USP48: variants seen among roughly 807,000 people sequenced by gnomAD.
USP48 encodes the protein ubiquitin specific peptidase 48.
In USP48, 43 loss-of-function variants were observed where a neutral mutation model predicts 150.7. The ratio of observed to expected loss-of-function variants is 0.29; its 90% confidence interval spans 0.22 to 0.37. The LOEUF (loss-of-function observed/expected upper bound fraction) is 0.37. USP48 is among the 10% of genes least tolerant of loss of function. The pLI is 1.00. For synonymous variants in USP48, 396 were observed against 425.9 expected, an observed-to-expected ratio of 0.93 and a Z score of 0.86; for missense variants, 813 against 1,249.6, an observed-to-expected ratio of 0.65 and a Z score of 5.27.
intron 1 of USP48, among the ~76,000 whole-genome samples, chr1:21,760,968 C>T (rs2097848550): frequency 6.6e-6 from 1 of 152,060 alleles, no homozygotes; most frequent in Non-Finnish European, 1.5e-5. Context: ...TGGCGCATGC[C>T]TGTTAATCCC....
At chr1:21,714,787 A>C (rs1210061762) in intron 15 of USP48, among the ~76,000 whole-genome samples, 2 of 152,250 alleles carry the variant, frequency 1.3e-5, no homozygotes, top group East Asian at 3.8e-4. Context: ...AAGGATTTAG[A>C]ATTTAGCTTT....
chr1:21,738,720 T>C (rs1048362709), intron 8 of USP48, among the ~76,000 whole-genome samples: 1 of 152,078 alleles, frequency 6.6e-6, no homozygotes, highest in African/African-American at 2.4e-5. Flanking sequence ...GACTATTTCA[T>C]TGCTATAATT....
rs2097801928 is a variant in USP48 at position 21,748,878 on chromosome 1, T to C, written c.775-607A>G. Among the ~76,000 whole-genome samples, 3 of 151,856 alleles carry C rather than the reference T, an allele frequency of 2.0e-5. No individual in the cohort carries two copies. In the South Asian group the frequency reaches 6.2e-4, roughly 31 times the overall value. On this transcript the variant is annotated intron_variant, in intron 6 of 26. Transcript: ENST00000308271. ...GTAAGCTGAGATCACACCTCTGCAC[T>C]CCAGCCTGGAAACAAAGCGAGACTC... is the stretch of plus-strand genomic sequence containing the variant.
Position 21,704,294 on chromosome 1 carries a change from T to C in USP48, c.2483A>G (p.Asn828Ser). The change falls in exon 20 of 27, where the codon AAC becomes AGC. Residue 828 changes from asparagine to serine, a missense_variant. Physicochemically the swap from Asn to Ser is conservative, Grantham distance 46. Coordinates refer to ENST00000308271, the MANE Select transcript of USP48 (RefSeq NM_032236.8). ...KITRIEVGDV[N>S]PSETQYISEP... ...AGAAATATACTGTGTTTCTGAAGGG[T>C]TTACATCTCCCACTTCAATTCTCGT... The C allele has an allele frequency of 6.2e-7, 1 of 1,613,696 alleles. No individual in the cohort carries two copies. The highest frequency in any genetic ancestry group is 8.5e-7 in the Non-Finnish European group (1 of 1,179,876).
At position 21,736,468 on chromosome 1, in the gene USP48, T is replaced by C; in HGVS notation, c.1149A>G (p.Gln383=). ...DIEKMEGKKL[Q]LGIEEDLAEP... is the part of the protein sequence containing the mutation. Reference sequence around the variant, plus strand: ...TACCTAGATCTTCCTCAATCCCTAGTTGTAATTTCTTCCCCTCCATCTTTT... The same window carrying C: ...TACCTAGATCTTCCTCAATCCCTAGCTGTAATTTCTTCCCCTCCATCTTTT... Residue 383 remains glutamine (Q), a synonymous_variant, in exon 9 of 27, where the codon CAA becomes CAG. Coordinates refer to ENST00000308271, the MANE Select transcript of USP48 (RefSeq NM_032236.8). The C allele has an allele frequency of 6.2e-7, 1 of 1,611,640 alleles. No individual in the cohort carries two copies. The highest frequency in any genetic ancestry group is 1.1e-5 in the South Asian group (1 of 90,528).
intron 1 of USP48, among the ~76,000 whole-genome samples, chr1:21,765,758 C>T (rs1484480343): frequency 5.3e-5 from 8 of 151,822 alleles, no homozygotes; most frequent in African/African-American, 1.9e-4. Flanking sequence ...TGGTGGCTCA[C>T]ACCCGTAATC....
At chr1:21,770,481 C>CTTT (rs548583450) in intron 1 of USP48, among the ~76,000 whole-genome samples, 3,773 of 115,752 alleles carry the variant, frequency 0.033, 229 homozygotes, top group African/African-American at 0.11. Flanking sequence ...AATCAAGTGT[C>CTTT]TTTTTTTTTT....
intron 8 of USP48, among the ~76,000 whole-genome samples, chr1:21,742,183 C>T (rs1359153391): frequency 6.6e-6 from 1 of 152,048 alleles, no homozygotes; most frequent in Non-Finnish European, 1.5e-5. Context: ...CTGCACTCTC[C>T]CCGTTACTTC....
At position 21,680,954 on chromosome 1, in the gene USP48, T is replaced by C. The variant is rs2097564148; in HGVS notation, c.3059-120A>G. The C allele has an allele frequency of 1.1e-5, 8 of 709,646 alleles. No individual in the cohort carries two copies. The Middle Eastern group carries it at 1.1e-3, about 98-fold the overall frequency. The allele number at this position is 709,646 out of a possible 1,614,324, so 44.0% of individuals were successfully genotyped here. On this transcript the variant is annotated intron_variant, in intron 25 of 26. Transcript: ENST00000308271. ...AACTTTTGATTACCTTTGTCACCTG[T>C]AATAATCATCTTTGAAGTTACGGAT...
chr1:21,679,562 A>G (rs1310317735), intron 26 of USP48, 123 bp from the exon 27 acceptor site: 1 of 1,224,372 alleles, frequency 8.2e-7, no homozygotes, highest in East Asian at 2.4e-5. Flanking sequence ...ACACAGTCGC[A>G]CCTTGGTGTG....
intron 25 of USP48, among the ~76,000 whole-genome samples, chr1:21,682,058 C>T (rs759813382): frequency 6.6e-6 from 1 of 152,188 alleles, no homozygotes; most frequent in African/African-American, 2.4e-5. Context: ...CTGCTATTTA[C>T]TGGGTCCACT....
At chr1:21,721,416 T>C (rs1237506855) in intron 13 of USP48, among the ~76,000 whole-genome samples, 4 of 152,170 alleles carry the variant, frequency 2.6e-5, no homozygotes, top group Non-Finnish European at 4.4e-5. Context: ...ATCACACCAA[T>C]CAAATGGTAG....
chr1:21,763,232 C>T (rs2152622424), intron 1 of USP48, among the ~76,000 whole-genome samples: 1 of 152,314 alleles, frequency 6.6e-6, no homozygotes, highest in South Asian at 2.1e-4. Context: ...TAATTGCTTG[C>T]TAGGTATCAC....
At chr1:21,731,142 A>G (rs1056511471) in intron 9 of USP48, among the ~76,000 whole-genome samples, 2 of 152,220 alleles carry the variant, frequency 1.3e-5, no homozygotes, top group African/African-American at 2.4e-5. Context: ...TATAAAATGT[A>G]TATGTACAGT....
At chr1:21,782,677 G>T in intron 1 of USP48, 147 bp downstream of exon 1, 1 of 1,279,330 alleles carries the variant, frequency 7.8e-7, no homozygotes, top group South Asian at 1.7e-5. Flanking sequence ...AGGTCGCGCA[G>T]ACGGCGCAAA....
chr1:21,755,354 A>T (rs1005582166), intron 3 of USP48, among the ~76,000 whole-genome samples: 1 of 152,102 alleles, frequency 6.6e-6, no homozygotes, highest in Non-Finnish European at 1.5e-5. Context: ...TGAACCCAGG[A>T]GTTTGAGACC....
At chr1:21,776,823 T>G (rs540441744) in intron 1 of USP48, among the ~76,000 whole-genome samples, 18 of 151,948 alleles carry the variant, frequency 1.2e-4, no homozygotes, top group Admixed American at 9.9e-4. Context: ...GCGTGGTGCC[T>G]GCAATGCCAG....
At position 21,703,638 on chromosome 1, in the gene USP48, AGGG is replaced by A; in HGVS notation, c.2516-23_2516-21del. 1 of 1,489,518 alleles carries A rather than the reference AGGG, an allele frequency of 6.7e-7. No individual in the cohort carries two copies. 92.3% of individuals were successfully genotyped at this position (1,489,518 alleles called of 1,614,324 possible). A position where few individuals can be genotyped will look rare whatever the true frequency, so the allele number is the denominator to read the frequency against. On this transcript the variant is annotated intron_variant, in intron 20 of 26. Coordinates refer to ENST00000308271, the MANE Select transcript of USP48 (RefSeq NM_032236.8). ...AGAGTTCTTTGGGGGAAAAAAAAAA[AGGG>A]AAAACAGAAGTGGCTGAGGAATCAT...
chr1:21,767,075 A>AAAC (rs1160202766), intron 1 of USP48, among the ~76,000 whole-genome samples: 1 of 152,150 alleles, frequency 6.6e-6, no homozygotes, highest in South Asian at 2.1e-4. Flanking sequence ...AAAAAACAAA[A>AAAC]AACAAGAACA....
Sources: gnomAD v4.1 joint callset for allele counts (sites outside exome capture counted in the v4.1 genomes callset) on GRCh38, gnomAD v4.1.1 for gene constraint, MANE v1.5 for transcripts, NCBI Gene and HGNC (gene_info 2026-07-23, HGNC 2026-07-21) for gene names.